The following STK4 variants were observed in gnomAD, a reference collection of about 807,000 sequenced individuals.
STK4 encodes the protein serine/threonine kinase 4.
In STK4, 30 loss-of-function variants were observed where a neutral mutation model predicts 64.9. The ratio of observed to expected loss-of-function variants is 0.46; its 90% CI spans 0.35 to 0.63. The LOEUF (loss-of-function observed/expected upper bound fraction) is 0.63, where lower values mean the gene tolerates loss of function less well. Among genes scored for constraint, STK4 ranks in the 20% least tolerant of loss-of-function variants. STK4 has a pLI of 0.01. For synonymous variants in STK4, 177 were observed against 199.0 expected, an observed-to-expected ratio of 0.89 and a Z score of 0.93; for missense variants, 466 against 598.5, an observed-to-expected ratio of 0.78 and a Z score of 2.31.
intron 9 of STK4, among the ~76,000 whole-genome samples, chr20:45,016,812 C>T (rs1309774758): frequency 6.6e-6 from 1 of 152,174 alleles, no homozygotes; most frequent in Non-Finnish European, 1.5e-5. Context: ...AGGGCAGTAG[C>T]ATAATGGTAA....
At chr20:44,967,292 A>C (rs951307125) in intron 1 of STK4, 1 of 957,452 alleles carries the variant, frequency 1.0e-6, no homozygotes, top group African/African-American at 1.8e-5. Flanking sequence ...AAATAAGAGG[A>C]TATTTTCGAG....
intron 10 of STK4, among the ~76,000 whole-genome samples, chr20:45,061,872 C>CTTTTTTT (rs71197598): frequency 6.0e-4 from 69 of 115,070 alleles, no homozygotes; most frequent in Non-Finnish European, 7.5e-4. Flanking sequence ...TCTTCTTCTT[C>CTTTTTTT]TTTTTTTTTT....
chr20:45,050,172 TG>T (rs1468475274), intron 10 of STK4, among the ~76,000 whole-genome samples: 4 of 152,256 alleles, frequency 2.6e-5, no homozygotes, highest in African/African-American at 9.6e-5. Context: ...CATCTCACTC[TG>T]GGGGTGTGTG....
intron 10 of STK4, among the ~76,000 whole-genome samples, chr20:45,065,636 G>A (rs534520053): frequency 2.7e-4 from 41 of 149,840 alleles, no homozygotes; most frequent in South Asian, 2.5e-3. Flanking sequence ...TCTACATTTT[G>A]TAGCTTGTGA....
intron 9 of STK4, among the ~76,000 whole-genome samples, chr20:45,009,124 G>A (rs1315157985): frequency 1.3e-5 from 2 of 152,176 alleles, no homozygotes; most frequent in Admixed American, 6.5e-5. Flanking sequence ...CCAATGTTGT[G>A]AAGGGTATCG....
chr20:45,074,882 C>A, intron 10 of STK4, 136 bp from the exon 11 acceptor site: 2 of 969,468 alleles, frequency 2.1e-6, no homozygotes, highest in South Asian at 1.7e-5. Flanking sequence ...CAACCACCAC[C>A]ACTCAACCTG....
chr20:45,009,050 C>A (rs1294965983), intron 9 of STK4, among the ~76,000 whole-genome samples: 1 of 152,106 alleles, frequency 6.6e-6, no homozygotes, highest in Non-Finnish European at 1.5e-5. Context: ...TTAGGTCCCA[C>A]TTGTCAATTT....
chr20:45,001,328 T>TGAGGAA lies in STK4; in HGVS notation c.1130_1135dup (p.Glu377_Glu378dup), dbSNP rs773351957. On this transcript the variant is annotated inframe_insertion, in exon 9 of 11. Transcript: ENST00000372806. Reference sequence around the variant, plus strand: ...GCACCATGGTGATCAATGCAGAGGATGAGGAAGAGGAAGGAACTATGAAAA... The same window carrying TGAGGAA: ...GCACCATGGTGATCAATGCAGAGGATGAGGAAGAGGAAGAGGAAGGAACTATGAAAA... 1.2e-6 allele frequency: 2 copies of TGAGGAA among 1,612,048 alleles called. No homozygotes were observed. Among genetic ancestry groups the TGAGGAA allele is most frequent in the East Asian group, 4.5e-5 (2 of 44,804 alleles).
intron 9 of STK4, among the ~76,000 whole-genome samples, chr20:45,023,965 A>G (rs1204012183): frequency 6.6e-5 from 9 of 137,122 alleles, no homozygotes; most frequent in Non-Finnish European, 3.0e-5. Flanking sequence ...CAGTGGCGCG[A>G]TCTCAGCTAA....
chr20:45,048,674 G>T (rs1445968590), intron 10 of STK4, among the ~76,000 whole-genome samples: 1 of 152,102 alleles, frequency 6.6e-6, no homozygotes, highest in South Asian at 2.1e-4. Flanking sequence ...TAGAGACGGG[G>T]TTTCACCATG....
rs75251642 is a variant in STK4, at chr20:44,971,017, T to G, written c.36-1061T>G. Among the ~76,000 whole-genome samples the G allele has an allele frequency of 4.3e-3, 647 of 151,110 alleles. 5 individuals are homozygous for G. The highest frequency in any genetic ancestry group is 0.026 in the East Asian group (131 of 5,094). ...TCTCCAGTGTGACTACTTCCATATT[T>G]CACCGTTTCCTCAGCTCTCTATTCT... On this transcript the variant is annotated intron_variant, in intron 1 of 10. Coordinates refer to ENST00000372806, the MANE Select transcript of STK4 (RefSeq NM_006282.5).
At chr20:44,985,246 A>T (rs917863583) in intron 4 of STK4, among the ~76,000 whole-genome samples, 2 of 152,252 alleles carry the variant, frequency 1.3e-5, no homozygotes, top group African/African-American at 4.8e-5. Flanking sequence ...AATGATGATG[A>T]TAATAATAGT....
chr20:45,036,315 C>T (rs2068526062), intron 10 of STK4, among the ~76,000 whole-genome samples: 1 of 152,126 alleles, frequency 6.6e-6, no homozygotes. Context: ...TTCTGAGTAA[C>T]ATGATGCAAT....
intron 1 of STK4, among the ~76,000 whole-genome samples, chr20:44,971,185 T>A (rs905004928): frequency 2.6e-5 from 4 of 151,830 alleles, no homozygotes; most frequent in East Asian, 3.9e-4. Flanking sequence ...CTCAGAGTTT[T>A]AAAAAAATGT....
chr20:45,015,947 T>C (rs1294755337), intron 9 of STK4, among the ~76,000 whole-genome samples: 2 of 152,238 alleles, frequency 1.3e-5, no homozygotes, highest in African/African-American at 4.8e-5. Context: ...ACTTTTCTTC[T>C]TCCTAATTCC....
intron 5 of STK4, among the ~76,000 whole-genome samples, chr20:44,994,311 T>C (rs2067688542): frequency 6.6e-6 from 1 of 151,562 alleles, no homozygotes. Flanking sequence ...TTTTTTGTGC[T>C]ATGATATAAC....
chr20:44,986,846 G>C (rs1439036194), intron 4 of STK4, among the ~76,000 whole-genome samples: 1 of 152,174 alleles, frequency 6.6e-6, no homozygotes, highest in Admixed American at 6.5e-5. Flanking sequence ...AGGATCAGAG[G>C]GAGAGGGGTA....
intron 10 of STK4, among the ~76,000 whole-genome samples, chr20:45,054,047 T>C (rs1406752001): frequency 1.3e-5 from 2 of 152,208 alleles, no homozygotes; most frequent in Non-Finnish European, 2.9e-5. Context: ...CCACCATCTC[T>C]TTCCCCTAAC....
chr20:45,048,529 G>T (rs903361159), intron 10 of STK4, among the ~76,000 whole-genome samples: 1 of 151,520 alleles, frequency 6.6e-6, no homozygotes, highest in Non-Finnish European at 1.5e-5. Context: ...TTTTTGAGAC[G>T]GAGTGTTGCT....
Sources: allele counts gnomAD v4.1 joint callset (sites outside exome capture counted in the v4.1 genomes callset), GRCh38; gene constraint gnomAD v4.1.1; transcripts MANE v1.5; gene names NCBI Gene and HGNC (gene_info 2026-07-23, HGNC 2026-07-21).